RBM20: variants seen among roughly 807,000 people sequenced by gnomAD.
RBM20 encodes the protein RNA binding motif protein 20.
Under a neutral mutation model 110.1 loss-of-function variants are expected in RBM20, and 51 were observed. The observed-to-expected ratio is 0.46, with a 90% confidence interval of 0.37 to 0.59. The LOEUF (loss-of-function observed/expected upper bound fraction) is 0.59. RBM20 is among the 20% of genes least tolerant of loss of function. RBM20 has a pLI of 0.00. For synonymous variants in RBM20, 589 were observed against 618.2 expected (o/e 0.95, Z 0.70); for missense variants, 1,512 against 1,574.9 (o/e 0.96, Z 0.68).
In RBM20 at chr10:110,836,229, A is replaced by T. The variant is rs190896982; in HGVS notation, c.*251A>T. ...CTCCCTGCTGACTCTTGTTTCTCTC[A>T]ATCTTTCAATTCGTTTTTCTCTCTT... On this transcript the variant is annotated 3_prime_UTR_variant, in exon 14 of 14. Coordinates refer to ENST00000369519, the MANE Select transcript of RBM20 (RefSeq NM_001134363.3). The T allele has an allele frequency of 3.2e-4, 100 of 312,522 alleles. No homozygotes were observed. Among genetic ancestry groups the T allele is most frequent in the East Asian group, 2.7e-3 (52 of 19,556 alleles). 19.4% of individuals were successfully genotyped at this position (312,522 alleles called of 1,614,324 possible). A position where few individuals can be genotyped will look rare whatever the true frequency, so the allele number is the denominator to read the frequency against.
Position 110,812,521 on chromosome 10 carries a change from A to T in RBM20, c.2124A>T (p.Ala708=). Residue 708 remains alanine, a synonymous_variant, in exon 9 of 14, where the codon GCA becomes GCT. Transcript: ENST00000369519. ...DDKRDRMDPW[A]HDRKHHPRQL... ...AGAGGGACAGGATGGACCCCTGGGCACATGATCGCAAACACCACCCCCGGC... is the reference window on the plus strand; with the variant it reads ...AGAGGGACAGGATGGACCCCTGGGCTCATGATCGCAAACACCACCCCCGGC... 6.4e-7 allele frequency: 1 copy of T among 1,551,748 alleles called. No individual in the cohort carries two copies. The highest frequency in any genetic ancestry group is 1.2e-5 in the South Asian group (1 of 84,062).
At chr10:110,717,444 T>A (rs993196777) in intron 1 of RBM20, among the ~76,000 whole-genome samples, 2 of 152,186 alleles carry the variant, frequency 1.3e-5, no homozygotes, top group East Asian at 1.9e-4. Context: ...GTGATGGGTT[T>A]ACTGGAGTTC....
At chr10:110,708,274 C>A (rs1252315955) in intron 1 of RBM20, among the ~76,000 whole-genome samples, 1 of 152,168 alleles carries the variant, frequency 6.6e-6, no homozygotes, top group Non-Finnish European at 1.5e-5. Flanking sequence ...TGAGCTGGTC[C>A]TATATATCAG....
chr10:110,647,193 A>G (rs768180223), intron 1 of RBM20, among the ~76,000 whole-genome samples: 1 of 152,208 alleles, frequency 6.6e-6, no homozygotes, highest in Non-Finnish European at 1.5e-5. Flanking sequence ...TGTTCACGTT[A>G]TATTTGGTGT....
At chr10:110,730,486 G>A (rs190294202) in intron 1 of RBM20, among the ~76,000 whole-genome samples, 90 of 152,298 alleles carry the variant, frequency 5.9e-4, no homozygotes, top group Admixed American at 1.6e-3. Flanking sequence ...GACTCCTCTA[G>A]CCTAGAAGAA....
intron 1 of RBM20, among the ~76,000 whole-genome samples, chr10:110,754,173 C>A (rs1001568553): frequency 1.2e-4 from 18 of 152,134 alleles, no homozygotes; most frequent in African/African-American, 4.3e-4. Context: ...AGATATTATT[C>A]CACTGTCTTT....
chr10:110,773,081 C>G (rs1189383717), intron 1 of RBM20, among the ~76,000 whole-genome samples: 1 of 152,208 alleles, frequency 6.6e-6, no homozygotes, highest in Non-Finnish European at 1.5e-5. Context: ...TGATTTCTAG[C>G]TTCCTGATTT....
At chr10:110,835,812 C>T (rs2059148586) in intron 13 of RBM20, 56 bp from the exon 14 acceptor site, 2 of 1,518,440 alleles carry the variant, frequency 1.3e-6, no homozygotes, top group Non-Finnish European at 8.9e-7. Context: ...CCTCTCCTCT[C>T]CATCTAGGTC....
chr10:110,782,352 G>T (rs189417101), intron 2 of RBM20, among the ~76,000 whole-genome samples: 3 of 152,224 alleles, frequency 2.0e-5, no homozygotes, highest in African/African-American at 4.8e-5. Flanking sequence ...ATTATAGAGA[G>T]CCTCAGCTTC....
At chr10:110,768,322 A>G (rs1478233188) in intron 1 of RBM20, among the ~76,000 whole-genome samples, 1 of 152,236 alleles carries the variant, frequency 6.6e-6, no homozygotes, top group East Asian at 1.9e-4. Flanking sequence ...GCCAAAAGTA[A>G]TGCACATATA....
chr10:110,685,393 G>A (rs1325443554), intron 1 of RBM20, among the ~76,000 whole-genome samples: 1 of 152,128 alleles, frequency 6.6e-6, no homozygotes, highest in Non-Finnish European at 1.5e-5. Flanking sequence ...GGTCAGACTC[G>A]CAGGGACTTT....
intron 1 of RBM20, among the ~76,000 whole-genome samples, chr10:110,779,555 A>G (rs1015596374): frequency 1.3e-5 from 2 of 152,208 alleles, no homozygotes; most frequent in Non-Finnish European, 2.9e-5. Context: ...ATTTACAGCC[A>G]GTTGGTCAGA....
chr10:110,808,991 G>A lies in RBM20; in HGVS notation c.1801-1392G>A, dbSNP rs186850568. On this transcript the variant is annotated intron_variant, in intron 7 of 13. Coordinates refer to ENST00000369519, the MANE Select transcript of RBM20 (RefSeq NM_001134363.3). ...GCACTTTGAGAGGCCAAGGCAGGAG[G>A]ATTGCTTGAGCCCGGGCGTTCAAGA... 1.4e-4 allele frequency among the ~76,000 whole-genome samples: 22 copies of A among 152,166 alleles called. 1 individual carries two copies. Among genetic ancestry groups the A allele is most frequent in the Middle Eastern group, 6.8e-3 (2 of 294 alleles).
intron 3 of RBM20, 45 bp from the exon 4 acceptor site, chr10:110,784,296 G>A (rs1844391590): frequency 2.9e-6 from 4 of 1,392,886 alleles, no homozygotes; most frequent in Non-Finnish European, 4.0e-6. Flanking sequence ...CTAATTCTTT[G>A]TTTAACTTAT....
intron 12 of RBM20, among the ~76,000 whole-genome samples, chr10:110,826,850 C>T (rs577894195): frequency 1.6e-3 from 244 of 152,252 alleles, no homozygotes; most frequent in Middle Eastern, 3.4e-3. Flanking sequence ...GCCTCAGCCT[C>T]CCAAAGTGCT....
At chr10:110,668,431 C>T (rs188892952) in intron 1 of RBM20, among the ~76,000 whole-genome samples, 75 of 152,262 alleles carry the variant, frequency 4.9e-4, no homozygotes, top group African/African-American at 1.6e-3. Context: ...TTTTGTGATG[C>T]GTAAAGTCTC....
At chr10:110,786,779 T>C (rs1381048860) in intron 5 of RBM20, among the ~76,000 whole-genome samples, 1 of 152,192 alleles carries the variant, frequency 6.6e-6, no homozygotes, top group Non-Finnish European at 1.5e-5. Context: ...GAGACCCCAC[T>C]CCAGGCACTG....
chr10:110,730,891 C>T (rs1843614148), intron 1 of RBM20, among the ~76,000 whole-genome samples: 1 of 152,204 alleles, frequency 6.6e-6, no homozygotes, highest in Non-Finnish European at 1.5e-5. Context: ...ACCTCCCCAC[C>T]CTCCTACTTG....
intron 1 of RBM20, among the ~76,000 whole-genome samples, chr10:110,691,684 A>G (rs1005174117): frequency 1.3e-5 from 2 of 152,198 alleles, no homozygotes; most frequent in African/African-American, 4.8e-5. Flanking sequence ...CCCTTTATCA[A>G]GCATATGATT....
Sources: allele counts gnomAD v4.1 joint callset (sites outside exome capture counted in the v4.1 genomes callset), GRCh38; gene constraint gnomAD v4.1.1; transcripts MANE v1.5; gene names NCBI Gene and HGNC (gene_info 2026-07-23, HGNC 2026-07-21).